The following TBXA2R variants were observed in gnomAD, a reference collection of about 807,000 sequenced individuals.
The protein encoded by TBXA2R is thromboxane A2 receptor, also known as prostanoid TP receptor.
Under a neutral mutation model 15.6 loss-of-function variants are expected in TBXA2R, and 15 were observed. That is an observed-to-expected ratio of 0.96 (90% CI 0.64 to 1.48). The LOEUF (loss-of-function observed/expected upper bound fraction) is 1.48, where lower values mean the gene tolerates loss of function less well. Ranked by LOEUF, TBXA2R falls within the 40% of genes most tolerant of loss-of-function variation. The probability of loss-of-function intolerance (pLI) is 0.00; values close to 1 mark genes in which losing one functional copy is unlikely to be tolerated. For synonymous variants in TBXA2R, 280 were observed against 241.2 expected, an observed-to-expected ratio of 1.16 and a Z score of -1.49; for missense variants, 506 against 491.4, an observed-to-expected ratio of 1.03 and a Z score of -0.28.
At position 3,600,377 on chromosome 19, in the gene TBXA2R, C is replaced by T. The variant is rs987823347; in HGVS notation, c.258G>A (p.Val86=). The T allele has an allele frequency of 6.2e-7, 1 of 1,613,438 alleles. No homozygotes were observed. Among genetic ancestry groups the T allele is most frequent in the Non-Finnish European group, 8.5e-7 (1 of 1,179,798 alleles). The change falls in exon 2 of 3, where the codon GTG becomes GTA. Residue 86 remains valine (V), a synonymous_variant. Coordinates refer to ENST00000375190, the MANE Select transcript of TBXA2R (RefSeq NM_001060.6). ...LGLLVTGTIV[V]SQHAALFEWH... is the part of the protein sequence containing the mutation. The stretch of plus-strand genomic sequence containing the variant: ...ACTCGAAGAGCGCGGCGTGCTGGGA[C>T]ACCACGATGGTACCGGTCACCAGCA...
At chr19:3,598,451 A>G (rs1206982260) in intron 2 of TBXA2R, among the ~76,000 whole-genome samples, 1 of 146,554 alleles carries the variant, frequency 6.8e-6, no homozygotes, top group Non-Finnish European at 1.5e-5. Flanking sequence ...CCTGGGCTCA[A>G]GCAATTCTCA....
At position 3,595,475 on chromosome 19, in the gene TBXA2R, A is replaced by T; in HGVS notation, c.*213T>A. Reference sequence around the variant, plus strand: ...AGAAGGGGTGGGAGCTCTGGATGGGAAAAAGGGGCCGAGGAAGGGAGAGTG... The same window carrying T: ...AGAAGGGGTGGGAGCTCTGGATGGGTAAAAGGGGCCGAGGAAGGGAGAGTG... On this transcript the variant is annotated 3_prime_UTR_variant, in exon 3 of 3. Transcript: ENST00000375190. 1 of 1,419,814 alleles carries T rather than the reference A, an allele frequency of 7.0e-7. No individual in the cohort carries two copies. The highest frequency in any genetic ancestry group is 2.5e-5 in the East Asian group (1 of 39,578). 88.0% of individuals were successfully genotyped at this position (1,419,814 alleles called of 1,614,324 possible).
At chr19:3,605,485 C>G (rs959125671) in intron 1 of TBXA2R, among the ~76,000 whole-genome samples, 1 of 149,932 alleles carries the variant, frequency 6.7e-6, no homozygotes, top group Non-Finnish European at 1.5e-5. Context: ...GACACACACA[C>G]AGATAGAAAC....
In TBXA2R at chr19:3,596,002, G is replaced by T. The variant is rs1180773066; in HGVS notation, c.787-69C>A. On this transcript the variant is annotated intron_variant, in intron 2 of 2. Transcript: ENST00000375190. ...CCGCCCGCCCCGGTCCCTGCCCGGG[G>T]TCCCTTGAGATCCAGGGTCCACTCC... The T allele has an allele frequency of 3.3e-6, 5 of 1,536,910 alleles. No homozygotes were observed. In the East Asian group the frequency reaches 9.7e-5, roughly 30 times the overall value.
In TBXA2R at chr19:3,595,126, C is replaced by A. The variant is rs148977445; in HGVS notation, c.*562G>T. 5.9e-6 allele frequency: 4 copies of A among 676,092 alleles called. No homozygotes were observed. Among genetic ancestry groups the A allele is most frequent in the Non-Finnish European group, 9.7e-6 (4 of 413,750 alleles). The allele number at this position is 676,092 out of a possible 1,614,324, so 41.9% of individuals were successfully genotyped here. ...AGGTGTGGTGGTTCATGCCTGTGAT[C>A]CCAGCACTTTGGGAGGCTGAGGCTG... On this transcript the variant is annotated 3_prime_UTR_variant, in exon 3 of 3. Coordinates refer to ENST00000375190, the MANE Select transcript of TBXA2R (RefSeq NM_001060.6).
intron 1 of TBXA2R, among the ~76,000 whole-genome samples, chr19:3,606,232 G>T (rs141547869): frequency 0.01 from 1,534 of 152,280 alleles, 22 homozygotes; most frequent in African/African-American, 0.034. Flanking sequence ...CTCCCCGGCT[G>T]CAGCCCCCTG....
In TBXA2R at chr19:3,595,869, C is replaced by T. The variant is rs764044824; in HGVS notation, c.851G>A (p.Arg284His). The T allele has an allele frequency of 1.9e-6, 3 of 1,609,288 alleles. No homozygotes were observed. In the African/African-American group the frequency reaches 4.0e-5, roughly 22 times the overall value. Residue 284 changes from arginine to histidine, a missense_variant, in exon 3 of 3, where the codon CGC becomes CAC. By Grantham distance (29) the Arg-to-His change is conservative. Coordinates refer to ENST00000375190, the MANE Select transcript of TBXA2R (RefSeq NM_001060.6). ...GATGAGCAGCTCCTTCTCCGTGGTG[C>T]GGGACAGCTGCCCGGCGGGGCTCAT... is the stretch of plus-strand genomic sequence containing the variant. ...PAMSPAGQLS[R>H]TTEKELLIYL...
rs1599868583 is a variant in TBXA2R, at chr19:3,595,371, T to G, written c.*317A>C. On this transcript the variant is annotated 3_prime_UTR_variant, in exon 3 of 3. Coordinates refer to ENST00000375190, the MANE Select transcript of TBXA2R (RefSeq NM_001060.6). ...TCCAGCCTGGGGGACAGAGCAAGAC[T>G]CCGTCTAAAAAAAAAAATAGCAATG... 1.5e-6 allele frequency: 2 copies of G among 1,373,126 alleles called. No individual in the cohort carries two copies. The highest frequency in any genetic ancestry group is 2.9e-5 in the African/African-American group (2 of 68,646). 85.1% of individuals were successfully genotyped at this position (1,373,126 alleles called of 1,614,324 possible). A position where few individuals can be genotyped will look rare whatever the true frequency, so the allele number is the denominator to read the frequency against.
intron 1 of TBXA2R, among the ~76,000 whole-genome samples, chr19:3,601,664 T>C (rs1250093404): frequency 1.3e-5 from 2 of 151,600 alleles, no homozygotes; most frequent in Non-Finnish European, 2.9e-5. Context: ...CAGTGGCTAA[T>C]GCCTGTAATC....
Position 3,600,051 on chromosome 19 carries a change from G to T in TBXA2R, c.584C>A (p.Ala195Asp), listed in dbSNP as rs758711772. ...LTLGAESGDV[A>D]FGLLFSMLGG... ...CAGCATGGAGAAGAGCAGCCCGAAG[G>T]CCACGTCCCCGGACTCGGCGCCCAG... The change falls in exon 2 of 3, where the codon GCC (alanine) becomes GAC (aspartate). Residue 195 changes from alanine (A) to aspartate (D), a missense_variant. Transcript: ENST00000375190. 2.5e-6 allele frequency: 4 copies of T among 1,612,670 alleles called. No individual in the cohort carries two copies. In the South Asian group the frequency reaches 4.4e-5, roughly 18 times the overall value.
rs763991918 is a variant in TBXA2R at position 3,600,606 on chromosome 19, G to C, written c.29C>G (p.Pro10Arg). The C allele has an allele frequency of 6.2e-7, 1 of 1,612,642 alleles. No individual in the cohort carries two copies. The highest frequency in any genetic ancestry group is 8.5e-7 in the Non-Finnish European group (1 of 1,179,754). MWPNGSSLG[P>R]CFRPTNITLE... ...GGTAATGTTTGTGGGCCGGAAACAG[G>C]GCCCCAGGGAACTGCCGTTGGGCCA... Residue 10 changes from proline to arginine, a missense_variant, in exon 2 of 3, where the codon CCC becomes CGC. Transcript: ENST00000375190.
chr19:3,599,415 C>T (rs930958303), intron 2 of TBXA2R, among the ~76,000 whole-genome samples: 7 of 151,898 alleles, frequency 4.6e-5, no homozygotes, highest in Non-Finnish European at 1.0e-4. Context: ...CTGCAAGCTC[C>T]GCCTCCTGGG....
chr19:3,595,322 T>G lies in TBXA2R; in HGVS notation c.*366A>C, dbSNP rs1470621473. ...TGAACCCGGGAGGTGGAGGTTGCAG[T>G]GAGCTGAGATTGCGCCACTGCACTC... On this transcript the variant is annotated 3_prime_UTR_variant, in exon 3 of 3. Coordinates refer to ENST00000375190, the MANE Select transcript of TBXA2R (RefSeq NM_001060.6). 7.6e-7 allele frequency: 1 copy of G among 1,319,920 alleles called. No individual in the cohort carries two copies. The highest frequency in any genetic ancestry group is 2.8e-5 in the East Asian group (1 of 35,744). The allele number at this position is 1,319,920 out of a possible 1,614,324, so 81.8% of individuals were successfully genotyped here.
intron 1 of TBXA2R, 35 bp from the exon 2 acceptor site, chr19:3,600,752 T>A (rs2032721370): frequency 8.2e-7 from 1 of 1,214,654 alleles, no homozygotes; most frequent in Non-Finnish European, 1.2e-6. Flanking sequence ...TGTGATTAAT[T>A]CTGCATTTCA....
intron 2 of TBXA2R, chr19:3,598,166 C>T (rs1184924697): frequency 6.6e-6 from 1 of 152,168 alleles, no homozygotes; most frequent in African/African-American, 2.4e-5. Context: ...CTAGGGAAGT[C>T]ACTGAAGGGC....
At position 3,600,726 on chromosome 19, in the gene TBXA2R, C is replaced by T. The variant is rs773838731; in HGVS notation, c.-83-9G>A. ...CACTGGTTCAGGCACACCTGGGAGG[C>T]GAGAGAAGATTTGCTTGTGATTAAT... On this transcript the variant is annotated splice_polypyrimidine_tract_variant and intron_variant, in intron 1 of 2. Transcript: ENST00000375190. 7.4e-5 allele frequency: 106 copies of T among 1,441,248 alleles called. No homozygotes were observed. Among genetic ancestry groups the T allele is most frequent in the Non-Finnish European group, 9.0e-5 (94 of 1,048,672 alleles). 89.3% of individuals were successfully genotyped at this position (1,441,248 alleles called of 1,614,324 possible).
chr19:3,604,006 G>C (rs3786989), intron 1 of TBXA2R, among the ~76,000 whole-genome samples: 17,590 of 152,138 alleles, frequency 0.12, 1,394 homozygotes, highest in African/African-American at 0.23. Flanking sequence ...ACCCAAGATC[G>C]CTTTTCGATG....
intron 2 of TBXA2R, among the ~76,000 whole-genome samples, chr19:3,596,149 C>A (rs769229641): frequency 2.0e-5 from 3 of 152,208 alleles, no homozygotes; most frequent in Non-Finnish European, 2.9e-5. Flanking sequence ...CTCCCTCAGC[C>A]TTCCAAGTAG....
At chr19:3,603,512 C>T (rs760354665) in intron 1 of TBXA2R, among the ~76,000 whole-genome samples, 5 of 152,318 alleles carry the variant, frequency 3.3e-5, no homozygotes, top group East Asian at 1.9e-4. Flanking sequence ...GTTCCTCCCT[C>T]GAGAGCTGGT....
Sources: gnomAD v4.1 joint callset for allele counts (sites outside exome capture counted in the v4.1 genomes callset) on GRCh38, gnomAD v4.1.1 for gene constraint, MANE v1.5 for transcripts, NCBI Gene and HGNC (gene_info 2026-07-23, HGNC 2026-07-21) for gene names.